TUSC3: variants seen among roughly 807,000 people sequenced by gnomAD.
TUSC3 encodes tumor suppressor candidate 3.
A neutral mutation model predicts 44.8 loss-of-function variants in TUSC3; 45 were observed. The ratio of observed to expected loss-of-function variants is 1.00; its 90% CI spans 0.79 to 1.29. TUSC3 has a LOEUF of 1.29. TUSC3 is among the 50% of genes most tolerant of loss of function. The pLI, the probability that TUSC3 is intolerant of heterozygous loss-of-function variation, is 0.00. For missense variants in TUSC3, 519 were observed against 437.9 expected, an observed-to-expected ratio of 1.19 and a Z score of -1.65; for synonymous variants, 212 against 152.9, an observed-to-expected ratio of 1.39 and a Z score of -2.85.
intron 2 of TUSC3, among the ~76,000 whole-genome samples, chr8:15,519,714 G>A (rs1801268310): frequency 6.6e-6 from 1 of 152,136 alleles, no homozygotes; most frequent in Non-Finnish European, 1.5e-5. Context: ...CATGAAACAA[G>A]TCCCATCGTG....
At chr8:15,528,195 GA>G (rs1053739076) in intron 2 of TUSC3, among the ~76,000 whole-genome samples, 8 of 150,244 alleles carry the variant, frequency 5.3e-5, no homozygotes, top group East Asian at 1.9e-4. Flanking sequence ...TGTGGTGTTT[GA>G]AAAAAAAACT....
intron 2 of TUSC3, among the ~76,000 whole-genome samples, chr8:15,512,975 G>A (rs1204679337): frequency 2.0e-5 from 2 of 98,428 alleles, no homozygotes; most frequent in African/African-American, 5.0e-5. Context: ...TTTTTCTCTG[G>A]AAAATTCTCA....
chr8:15,748,759 A>C (rs1811533457), intron 9 of TUSC3: 2 of 564,934 alleles, frequency 3.5e-6, no homozygotes, highest in African/African-American at 1.9e-5. Flanking sequence ...ATCTTCCCTT[A>C]GTTTGTCGTG....
chr8:15,770,927 C>T (rs1276224769), downstream of TUSC3, among the ~76,000 whole-genome samples: 1 of 152,060 alleles, frequency 6.6e-6, no homozygotes, highest in African/African-American at 2.4e-5. Flanking sequence ...CAACAAATTC[C>T]ACATAGTATA....
the TUSC3 span, among the ~76,000 whole-genome samples, chr8:15,821,177 A>G: frequency 1.3e-5 from 2 of 152,108 alleles, no homozygotes; most frequent in South Asian, 2.1e-4. Flanking sequence ...TTCTGGGTTG[A>G]CAGTTATTTT....
At chr8:15,616,215 T>C (rs749370846) in intron 1 of TUSC3, among the ~76,000 whole-genome samples, 5 of 152,222 alleles carry the variant, frequency 3.3e-5, no homozygotes, top group African/African-American at 4.8e-5. Context: ...ATTTCTGTTT[T>C]AGAAGTTTAT....
intron 1 of TUSC3, among the ~76,000 whole-genome samples, chr8:15,552,837 G>A (rs62503028): frequency 0.19 from 28,937 of 151,550 alleles, 3,221 homozygotes; most frequent in South Asian, 0.25. Flanking sequence ...ATGCTGTGGA[G>A]AATAGCTTAG....
chr8:15,471,148 C>T (rs1362647659), intron 1 of TUSC3, among the ~76,000 whole-genome samples: 2 of 152,174 alleles, frequency 1.3e-5, no homozygotes, highest in Non-Finnish European at 2.9e-5. Context: ...AATTCCCCAG[C>T]ACTACAACCT....
chr8:15,807,497 C>T, the TUSC3 span, among the ~76,000 whole-genome samples: 2 of 152,112 alleles, frequency 1.3e-5, no homozygotes, highest in Admixed American at 6.6e-5. Flanking sequence ...AACTACCGTT[C>T]GACCCAGAAA....
At chr8:15,777,050 C>A in the TUSC3 span, among the ~76,000 whole-genome samples, 1 of 152,024 alleles carries the variant, frequency 6.6e-6, no homozygotes, top group Non-Finnish European at 1.5e-5. Flanking sequence ...TACATGTTCT[C>A]GGTTTTTAAG....
chr8:15,496,856 CAG>C (rs1167793504), intron 2 of TUSC3, among the ~76,000 whole-genome samples: 1 of 152,070 alleles, frequency 6.6e-6, no homozygotes, highest in Admixed American at 6.5e-5. Context: ...CATACCATAA[CAG>C]AGTTAGAAGA....
chr8:15,725,041 T>C (rs1198560787), intron 6 of TUSC3, among the ~76,000 whole-genome samples: 8 of 152,204 alleles, frequency 5.3e-5, no homozygotes, highest in Admixed American at 4.6e-4. Flanking sequence ...CTTAGTTTCA[T>C]TTGTCATTTA....
intron 7 of TUSC3, among the ~76,000 whole-genome samples, chr8:15,737,170 C>T (rs1456209662): frequency 6.6e-6 from 1 of 151,958 alleles, no homozygotes; most frequent in Admixed American, 6.6e-5. Flanking sequence ...CAAGGAGAAA[C>T]ATACTATAGA....
intron 1 of TUSC3, among the ~76,000 whole-genome samples, chr8:15,453,438 C>T (rs1316392821): frequency 6.6e-6 from 1 of 152,156 alleles, no homozygotes; most frequent in Non-Finnish European, 1.5e-5. Context: ...TTCTTGTCAG[C>T]ATCTTTAAAT....
downstream of TUSC3, among the ~76,000 whole-genome samples, chr8:15,771,503 T>A (rs576115645): frequency 3.9e-5 from 6 of 152,238 alleles, no homozygotes; most frequent in South Asian, 1.2e-3. Flanking sequence ...AAAGGCATTA[T>A]TTTTGGTTTG....
At chr8:15,746,468 T>A (rs757342663) in intron 8 of TUSC3, among the ~76,000 whole-genome samples, 1 of 152,166 alleles carries the variant, frequency 6.6e-6, no homozygotes, top group Admixed American at 6.6e-5. Context: ...TGCATCTGCC[T>A]CATTATGGCA....
intron 1 of TUSC3, among the ~76,000 whole-genome samples, chr8:15,431,540 G>T (rs1437474436): frequency 6.6e-6 from 1 of 151,208 alleles, no homozygotes; most frequent in African/African-American, 2.5e-5. Context: ...CTGCAGTTTT[G>T]CTAAAGTCAT....
the TUSC3 span, among the ~76,000 whole-genome samples, chr8:15,775,502 T>A: frequency 7.2e-5 from 11 of 152,018 alleles, no homozygotes; most frequent in Admixed American, 2.0e-4. Flanking sequence ...CATACAGCTA[T>A]ATAAAGGTAT....
At chr8:15,587,176 T>A (rs1262835908) in intron 1 of TUSC3, among the ~76,000 whole-genome samples, 1 of 152,198 alleles carries the variant, frequency 6.6e-6, no homozygotes, top group East Asian at 1.9e-4. Context: ...ACTTATAACT[T>A]GGATTTCTTC....
Sources: gnomAD v4.1 joint callset for allele counts (sites outside exome capture counted in the v4.1 genomes callset) on GRCh38, gnomAD v4.1.1 for gene constraint, MANE v1.5 for transcripts, NCBI Gene and HGNC (gene_info 2026-07-23, HGNC 2026-07-21) for gene names.